HDAC8: variants seen among roughly 807,000 people sequenced by gnomAD.
HDAC8 encodes histone deacetylase-like 1.
Under a neutral mutation model 32.2 loss-of-function variants are expected in HDAC8, and 1 was observed. The observed-to-expected ratio is 0.03, with a 90% confidence interval of 0.01 to 0.15. The LOEUF (loss-of-function observed/expected upper bound fraction) is 0.15, where lower values mean the gene tolerates loss of function less well. Among genes scored for constraint, HDAC8 ranks in the 10% least tolerant of loss-of-function variants. HDAC8 has a pLI of 1.00. For synonymous variants in HDAC8, 108 were observed against 113.9 expected (o/e 0.95, Z 0.33); for missense variants, 117 against 300.0 (o/e 0.39, Z 4.51).
chrX:72,413,120 TTTTA>T (rs2147903615), intron 9 of HDAC8, among the ~76,000 whole-genome samples: 1 of 111,268 alleles, frequency 9.0e-6, no homozygotes, highest in East Asian at 2.8e-4. Flanking sequence ...TGGTTTTTTT[TTTTA>T]TTATTATTAT....
intron 10 of HDAC8, among the ~76,000 whole-genome samples, chrX:72,334,592 C>A (rs1366177225): frequency 9.0e-6 from 1 of 111,547 alleles, no homozygotes; most frequent in African/African-American, 3.3e-5. Context: ...CAAGAGAAGT[C>A]CAAATTTCAC....
At chrX:72,352,483 T>C (rs1348179073) in intron 9 of HDAC8, among the ~76,000 whole-genome samples, 2 of 111,019 alleles carry the variant, frequency 1.8e-5, no homozygotes, top group Admixed American at 9.6e-5. Flanking sequence ...ATATTCTGCA[T>C]TGGGTAGAGA....
At chrX:72,457,848 A>G (rs1390508670) in intron 9 of HDAC8, among the ~76,000 whole-genome samples, 1 of 111,992 alleles carries the variant, frequency 8.9e-6, no homozygotes, top group Non-Finnish European at 1.9e-5. Flanking sequence ...ATATACTTGT[A>G]TATAAATTGA....
At chrX:72,506,686 C>T (rs782303638) in intron 4 of HDAC8, among the ~76,000 whole-genome samples, 2 of 110,933 alleles carry the variant, frequency 1.8e-5, no homozygotes, top group South Asian at 3.9e-4. Flanking sequence ...TAAACCATAG[C>T]GGTAACCAAG....
At chrX:72,505,456 G>T (rs1173314257) in intron 4 of HDAC8, among the ~76,000 whole-genome samples, 9 of 111,291 alleles carry the variant, frequency 8.1e-5, no homozygotes, top group Admixed American at 6.7e-4. Context: ...GAGCTATTTG[G>T]TACCTACTTA....
Position 72,354,817 on chromosome X carries a change from C to T in HDAC8, c.1006-2979G>A, listed in dbSNP as rs782146562. On this transcript the variant is annotated intron_variant, in intron 9 of 10. Coordinates refer to ENST00000373573, the MANE Select transcript of HDAC8 (RefSeq NM_018486.3). ...TCTCTGTTTCATCATTTCCACCTGA[C>T]GATGACAAATGCTGACCTGGTTGGG... Among the ~76,000 whole-genome samples the T allele has an allele frequency of 2.1e-4, 23 of 112,046 alleles. No homozygotes were observed. In the South Asian group the frequency reaches 6.0e-3, roughly 29 times the overall value.
chrX:72,536,010 T>C (rs1167772409), intron 4 of HDAC8, among the ~76,000 whole-genome samples: 2 of 111,919 alleles, frequency 1.8e-5, no homozygotes, highest in Non-Finnish European at 3.8e-5. Context: ...CCTATGTCAT[T>C]ATAGCTTATG....
chrX:72,401,627 T>A (rs782492555), intron 9 of HDAC8, among the ~76,000 whole-genome samples: 1 of 112,477 alleles, frequency 8.9e-6, no homozygotes, highest in African/African-American at 3.2e-5. Flanking sequence ...TAACTAATGA[T>A]GTTGAACATC....
intron 9 of HDAC8, among the ~76,000 whole-genome samples, chrX:72,356,614 G>A (rs1327361972): frequency 7.3e-5 from 8 of 108,845 alleles, no homozygotes; most frequent in Admixed American, 2.0e-4. Flanking sequence ...TCACTCTGTC[G>A]CCCAGGCTGG....
intron 9 of HDAC8, among the ~76,000 whole-genome samples, chrX:72,367,599 A>G (rs1555954836): frequency 1.8e-5 from 2 of 112,621 alleles, no homozygotes; most frequent in Non-Finnish European, 3.7e-5. Context: ...GCTCACCAAC[A>G]GATTAGCAAA....
intron 9 of HDAC8, among the ~76,000 whole-genome samples, chrX:72,412,933 G>C (rs2046233734): frequency 9.0e-6 from 1 of 111,487 alleles, no homozygotes; most frequent in South Asian, 3.8e-4. Flanking sequence ...ACCATGGAGA[G>C]GGTTGTCTAT....
rs1243179523 is a variant in HDAC8, at chrX:72,541,562, C to T, written c.437+26327G>A. Among the ~76,000 whole-genome samples, 3 of 111,701 alleles carry T rather than the reference C, an allele frequency of 2.7e-5. No individual in the cohort carries two copies. In the Admixed American group the frequency reaches 2.9e-4, roughly 11 times the overall value. The stretch of plus-strand genomic sequence containing the variant: ...GGTAATTTTAATGTTGTGTGGAGAA[C>T]AGACCAAAGGGGGCAAGGCTAGAAG... On this transcript the variant is annotated intron_variant, in intron 4 of 10. Coordinates refer to ENST00000373573, the MANE Select transcript of HDAC8 (RefSeq NM_018486.3).
chrX:72,493,612 G>A (rs1390841312), intron 5 of HDAC8, among the ~76,000 whole-genome samples: 1 of 111,135 alleles, frequency 9.0e-6, no homozygotes, highest in African/African-American at 3.3e-5. Context: ...TATTGCACAC[G>A]CACACACATA....
chrX:72,441,585 G>GA (rs1209407763), intron 9 of HDAC8, among the ~76,000 whole-genome samples: 8 of 111,455 alleles, frequency 7.2e-5, no homozygotes, highest in Non-Finnish European at 1.5e-4. Context: ...CAAAGATGGG[G>GA]AAAAAACAAC....
chrX:72,534,500 G>A (rs1483561936), intron 4 of HDAC8, among the ~76,000 whole-genome samples: 3 of 109,380 alleles, frequency 2.7e-5, no homozygotes, highest in African/African-American at 1.0e-4. Flanking sequence ...GTAGAGATGG[G>A]GTTTTGCCAT....
At chrX:72,389,747 A>G (rs2045561838) in intron 9 of HDAC8, among the ~76,000 whole-genome samples, 1 of 112,074 alleles carries the variant, frequency 8.9e-6, no homozygotes, top group Non-Finnish European at 1.9e-5. Flanking sequence ...GACTTCCTAT[A>G]CTGGATTTAA....
chrX:72,500,758 T>C (rs1180879365), intron 4 of HDAC8, among the ~76,000 whole-genome samples: 3 of 111,973 alleles, frequency 2.7e-5, no homozygotes, highest in Non-Finnish European at 5.6e-5. Flanking sequence ...AACATAGTAT[T>C]GGAAGTCCCG....
rs781930044 is a variant in HDAC8, at chrX:72,365,632, A to G, written c.1006-13794T>C. ...AGTGGAATAAGGACAATGAAGATATACTGTAAACAAGTCATCAAAAATTAA... is the reference window on the plus strand; with the variant it reads ...AGTGGAATAAGGACAATGAAGATATGCTGTAAACAAGTCATCAAAAATTAA... On this transcript the variant is annotated intron_variant, in intron 9 of 10. Transcript: ENST00000373573. Among the ~76,000 whole-genome samples the G allele has an allele frequency of 2.7e-5, 3 of 112,187 alleles. No individual in the cohort carries two copies. In the South Asian group the frequency reaches 1.1e-3, roughly 42 times the overall value.
chrX:72,417,069 A>C (rs1602743453), intron 9 of HDAC8, among the ~76,000 whole-genome samples: 1 of 111,624 alleles, frequency 9.0e-6, no homozygotes, highest in South Asian at 3.7e-4. Flanking sequence ...CAGTGACATT[A>C]GTTACAATTA....
Sources: allele counts gnomAD v4.1 joint callset (sites outside exome capture counted in the v4.1 genomes callset), GRCh38; gene constraint gnomAD v4.1.1; transcripts MANE v1.5; gene names NCBI Gene and HGNC (gene_info 2026-07-23, HGNC 2026-07-21).